Variants in SPATA22 observed in about 807,000 individuals in gnomAD.
The protein encoded by SPATA22 is spermatogenesis-associated protein 22.
A neutral mutation model predicts 47.8 loss-of-function variants in SPATA22; 29 were observed. The observed-to-expected ratio is 0.61, with a 90% CI of 0.45 to 0.83. The LOEUF (loss-of-function observed/expected upper bound fraction) is 0.83, where lower values mean the gene tolerates loss of function less well. Among genes scored for constraint, SPATA22 ranks in the 40% least tolerant of loss-of-function variants. The probability of loss-of-function intolerance (pLI) is 0.00; values close to 1 mark genes in which losing one functional copy is unlikely to be tolerated. For synonymous variants in SPATA22, 133 were observed against 140.9 expected (o/e 0.94, Z 0.40); for missense variants, 410 against 421.7 (o/e 0.97, Z 0.24).
At chr17:3,499,267 T>C (rs528643312) in intron 1 of SPATA22, 74 of 544,868 alleles carry the variant, frequency 1.4e-4, no homozygotes, top group Non-Finnish European at 2.0e-4. Flanking sequence ...AGATATCATA[T>C]TTTATGTATG....
chr17:3,478,184 CA>C (rs1015063984), intron 1 of SPATA22, among the ~76,000 whole-genome samples: 51 of 139,188 alleles, frequency 3.7e-4, no homozygotes, highest in East Asian at 3.3e-3. Context: ...GACTCCGTCT[CA>C]AAAAAAAAAA....
intron 3 of SPATA22, 112 bp downstream of exon 3, chr17:3,467,314 T>C: frequency 1.1e-6 from 1 of 886,582 alleles, no homozygotes; most frequent in Non-Finnish European, 1.6e-6. Flanking sequence ...TATATGTGGA[T>C]AATGGAAAGA....
intron 3 of SPATA22, among the ~76,000 whole-genome samples, chr17:3,465,507 T>C (rs900359022): frequency 1.3e-5 from 2 of 152,010 alleles, no homozygotes; most frequent in African/African-American, 4.8e-5. Flanking sequence ...CTCAAACATG[T>C]GCTGTGTCCA....
In SPATA22 at chr17:3,488,892, A is replaced by T. The variant is rs2073772852; in HGVS notation, c.-73-19494T>A. Among the ~76,000 whole-genome samples the T allele has an allele frequency of 6.6e-6, 1 of 151,944 alleles. No individual in the cohort carries two copies. On this transcript the variant is annotated intron_variant, in intron 1 of 8. Transcript: ENST00000541913. This position sits in a 1 kb window ranked among gnomAD's most constrained non-coding sequence, Gnocchi z 6.1. Reference sequence around the variant, plus strand: ...GTCCACCTATTATTTTGTCAGCATAAACTTGTTCACCTTTTTTACTATGTT... The same window carrying T: ...GTCCACCTATTATTTTGTCAGCATATACTTGTTCACCTTTTTTACTATGTT...
chr17:3,473,467 C>G (rs1262273903), upstream of SPATA22, among the ~76,000 whole-genome samples: 1 of 152,180 alleles, frequency 6.6e-6, no homozygotes, highest in African/African-American at 2.4e-5. Flanking sequence ...ACAGCCATGA[C>G]TGTGAAGTAA....
In SPATA22 at chr17:3,490,501, G is replaced by A. The variant is rs140619892; in HGVS notation, c.-73-21103C>T. The stretch of plus-strand genomic sequence containing the variant: ...TAATAACAGAGGGGGTGTGTACTTC[G>A]GTGTCTGTGGGGAGTGAATTCCTCA... On this transcript the variant is annotated intron_variant, in intron 1 of 8. Transcript: ENST00000541913. The surrounding 1 kb of genome is among the most constrained non-coding windows in gnomAD (Gnocchi z 4.6). Among the ~76,000 whole-genome samples, 28 of 152,046 alleles carry A rather than the reference G, an allele frequency of 1.8e-4. 1 individual carries two copies. The East Asian group carries it at 4.1e-3, about 22-fold the overall frequency.
chr17:3,476,166 T>C, upstream of SPATA22: 1 of 1,613,634 alleles, frequency 6.2e-7, no homozygotes, highest in Non-Finnish European at 8.5e-7. Context: ...TGAAATGACT[T>C]CTTGTCACAT....
At chr17:3,458,880 ATT>A (rs2073059498) in intron 5 of SPATA22, among the ~76,000 whole-genome samples, 3 of 145,878 alleles carry the variant, frequency 2.1e-5, no homozygotes, top group Admixed American at 6.9e-5. Context: ...AAAAAAAAAA[ATT>A]CCAAGATACG....
chr17:3,488,447 A>G lies in SPATA22; in HGVS notation c.-73-19049T>C, dbSNP rs1362835014. ...CGAGAAGGGCAGATTACCTGCGGTCAGGAGTTTGAGACCAGCCTGACCAAC... is the reference window on the plus strand; with the variant it reads ...CGAGAAGGGCAGATTACCTGCGGTCGGGAGTTTGAGACCAGCCTGACCAAC... On this transcript the variant is annotated intron_variant, in intron 1 of 8. Coordinates refer to the SPATA22 transcript ENST00000541913. This position sits in a 1 kb window ranked among gnomAD's most constrained non-coding sequence, Gnocchi z 6.1. 6.6e-6 allele frequency among the ~76,000 whole-genome samples: 1 copy of G among 152,196 alleles called. No homozygotes were observed. Among genetic ancestry groups the G allele is most frequent in the African/African-American group, 2.4e-5 (1 of 41,450 alleles).
intron 1 of SPATA22, chr17:3,483,420 G>C (rs1367021800): frequency 8.5e-7 from 1 of 1,177,466 alleles, no homozygotes; most frequent in South Asian, 1.2e-5. Context: ...ACGTATTGAA[G>C]GTATTATTGA....
intron 6 of SPATA22, among the ~76,000 whole-genome samples, chr17:3,447,417 C>T (rs1198625009): frequency 2.7e-5 from 4 of 149,936 alleles, no homozygotes; most frequent in Non-Finnish European, 5.9e-5. Flanking sequence ...TCCCTCTTCC[C>T]CCGCTTAACG....
intron 1 of SPATA22, among the ~76,000 whole-genome samples, chr17:3,504,629 C>T (rs1035609249): frequency 1.3e-5 from 2 of 150,738 alleles, no homozygotes; most frequent in African/African-American, 2.5e-5. Flanking sequence ...ATGATCTCGG[C>T]TCACCGCAAC....
rs1210197991 is a variant in SPATA22, at chr17:3,485,024, TTTG to T, written c.-73-15629_-73-15627del. On this transcript the variant is annotated intron_variant, in intron 1 of 8. Transcript: ENST00000541913. This position sits in a 1 kb window ranked among gnomAD's most constrained non-coding sequence, Gnocchi z 4.4. The stretch of plus-strand genomic sequence containing the variant: ...ATCATCATTCACAGTAGGGTTTTGT[TTTG>T]TTTTTTTTCTGGAAAAGGGTCTCAC... Among the ~76,000 whole-genome samples, 1 of 152,060 alleles carries T rather than the reference TTTG, an allele frequency of 6.6e-6. No homozygotes were observed. The highest frequency in any genetic ancestry group is 1.9e-4 in the East Asian group (1 of 5,194).
upstream of SPATA22, chr17:3,476,218 C>T: frequency 6.2e-7 from 1 of 1,614,080 alleles, no homozygotes; most frequent in Non-Finnish European, 8.5e-7. Flanking sequence ...TTTGGAGGAA[C>T]CCATGGGAAT....
chr17:3,506,721 CCT>C (rs1384894323), intron 1 of SPATA22, among the ~76,000 whole-genome samples: 4 of 152,146 alleles, frequency 2.6e-5, no homozygotes, highest in Non-Finnish European at 5.9e-5. Flanking sequence ...AGGTGGATCA[CCT>C]GAGGTCAGGA....
chr17:3,493,205 G>A (rs1281321653), intron 1 of SPATA22, among the ~76,000 whole-genome samples: 2 of 152,140 alleles, frequency 1.3e-5, no homozygotes, highest in African/African-American at 4.8e-5. Flanking sequence ...CTCCACCACT[G>A]GCAGGCTGCC....
intron 1 of SPATA22, among the ~76,000 whole-genome samples, chr17:3,493,595 G>T (rs1465449775): frequency 7.7e-6 from 1 of 130,138 alleles, no homozygotes; most frequent in Non-Finnish European, 1.6e-5. Context: ...GAAAGAAAAA[G>T]AGCACGATAC....
chr17:3,472,890 A>T (rs534462681), upstream of SPATA22, among the ~76,000 whole-genome samples: 1 of 152,218 alleles, frequency 6.6e-6, no homozygotes, highest in Non-Finnish European at 1.5e-5. Context: ...TGAATGCCAG[A>T]GTAAGGAACA....
At chr17:3,475,681 G>A, upstream of SPATA22, 1 of 177,272 alleles carries the variant, frequency 5.6e-6, no homozygotes, top group Non-Finnish European at 1.2e-5. Flanking sequence ...TCATTTCAGA[G>A]AAGAAATGTT....
Sources: allele counts gnomAD v4.1 joint callset (sites outside exome capture counted in the v4.1 genomes callset), GRCh38; gene constraint gnomAD v4.1.1; non-coding constraint Gnocchi (gnomAD v3.1); transcripts MANE v1.5; gene names NCBI Gene and HGNC (gene_info 2026-07-23, HGNC 2026-07-21).